The following BANF2 variants were observed in gnomAD, a reference collection of about 807,000 sequenced individuals.
BANF2 encodes BANF family member 2, also known as barrier-to-autointegration factor-like protein.
A neutral mutation model predicts 8.0 loss-of-function variants in BANF2; 4 were observed. The observed-to-expected ratio is 0.50, with a 90% CI of 0.25 to 1.14. The LOEUF (loss-of-function observed/expected upper bound fraction) is 1.14, where lower values mean the gene tolerates loss of function less well. Ranked by LOEUF, BANF2 falls within the 50% of genes most tolerant of loss-of-function variation. The pLI is 0.16. For synonymous variants in BANF2, 50 were observed against 40.6 expected, an observed-to-expected ratio of 1.23 and a Z score of -0.88; for missense variants, 96 against 107.5, an observed-to-expected ratio of 0.89 and a Z score of 0.47.
chr20:17,709,115 C>G (rs1338803903), intron 1 of BANF2, among the ~76,000 whole-genome samples: 1 of 152,186 alleles, frequency 6.6e-6, no homozygotes, highest in East Asian at 1.9e-4. Context: ...AACTCTTGCT[C>G]AGGCCCCTTT....
chr20:17,721,751 A>G (rs1377963252), intron 1 of BANF2, among the ~76,000 whole-genome samples: 7 of 152,194 alleles, frequency 4.6e-5, no homozygotes, highest in Admixed American at 2.0e-4. Flanking sequence ...CTGTTCACAC[A>G]GAGTCATTGA....
intron 3 of BANF2, 133 bp from the exon 4 acceptor site, chr20:17,735,532 G>A: frequency 9.5e-7 from 1 of 1,057,850 alleles, no homozygotes; most frequent in Non-Finnish European, 1.4e-6. Flanking sequence ...AGGACTGACA[G>A]GCTCCCTTGA....
Position 17,708,260 on chromosome 20 carries a change from T to A in BANF2, c.-167+8205T>A, listed in dbSNP as rs181410148. On this transcript the variant is annotated intron_variant, in intron 1 of 3. Coordinates refer to ENST00000246090, the MANE Select transcript of BANF2 (RefSeq NM_178477.5). ...AAAACAAACAGAAAAAAACCTGAGA[T>A]CCCTGATCCACAAAAGCCTGAAATA... Among the ~76,000 whole-genome samples, 8 of 151,898 alleles carry A rather than the reference T, an allele frequency of 5.3e-5. No individual in the cohort carries two copies. The East Asian group carries it at 1.4e-3, about 26-fold the overall frequency.
chr20:17,710,866 C>A (rs1568810242), intron 1 of BANF2, among the ~76,000 whole-genome samples: 1 of 151,274 alleles, frequency 6.6e-6, no homozygotes, highest in Non-Finnish European at 1.5e-5. Flanking sequence ...GCAGTTCCCG[C>A]AGCAACCCAG....
intron 1 of BANF2, among the ~76,000 whole-genome samples, chr20:17,715,401 A>C (rs1467886644): frequency 6.6e-6 from 1 of 152,224 alleles, no homozygotes; most frequent in Non-Finnish European, 1.5e-5. Flanking sequence ...TGAATGTCTG[A>C]GGAACTGTTG....
chr20:17,717,032 C>A (rs2037664969), intron 1 of BANF2, among the ~76,000 whole-genome samples: 1 of 152,120 alleles, frequency 6.6e-6, no homozygotes, highest in Admixed American at 6.6e-5. Flanking sequence ...CCCTCATTTT[C>A]ATTCTTTCTC....
At chr20:17,697,396 T>G (rs2037355507), upstream of BANF2, among the ~76,000 whole-genome samples, 1 of 152,116 alleles carries the variant, frequency 6.6e-6, no homozygotes, top group Non-Finnish European at 1.5e-5. Flanking sequence ...AGCTCATGTG[T>G]TTCCTCAAGA....
chr20:17,727,198 C>T (rs946451507), intron 3 of BANF2, among the ~76,000 whole-genome samples: 3 of 152,188 alleles, frequency 2.0e-5, no homozygotes, highest in East Asian at 1.9e-4. Flanking sequence ...TGTGTGCAGC[C>T]GGGTCCCTGG....
chr20:17,702,906 C>G (rs1363846551), intron 1 of BANF2, among the ~76,000 whole-genome samples: 1 of 152,144 alleles, frequency 6.6e-6, no homozygotes, highest in African/African-American at 2.4e-5. Flanking sequence ...TGAGGAGCTG[C>G]GCTTGTTGTT....
intron 1 of BANF2, among the ~76,000 whole-genome samples, chr20:17,704,976 T>G (rs1180813641): frequency 6.6e-6 from 1 of 152,222 alleles, no homozygotes; most frequent in Non-Finnish European, 1.5e-5. Flanking sequence ...CAGGATTCTG[T>G]CTGGCTGGCC....
At chr20:17,697,787 G>A (rs1252747668), upstream of BANF2, among the ~76,000 whole-genome samples, 1 of 152,184 alleles carries the variant, frequency 6.6e-6, no homozygotes, top group Non-Finnish European at 1.5e-5. Flanking sequence ...ACGTTGAAAA[G>A]TGATTGCAAT....
intron 3 of BANF2, chr20:17,731,644 T>C (rs886231598): frequency 1.3e-5 from 2 of 150,126 alleles, no homozygotes; most frequent in Non-Finnish European, 3.0e-5. Context: ...TAGTTCCAGC[T>C]ACTCGGGAGG....
intron 2 of BANF2, among the ~76,000 whole-genome samples, chr20:17,724,209 G>A (rs557516320): frequency 2.9e-4 from 44 of 152,320 alleles, no homozygotes; most frequent in South Asian, 6.2e-4. Context: ...AGTGGAGAGG[G>A]ATGAAAATAG....
At chr20:17,716,435 GC>G (rs2037653484) in intron 1 of BANF2, among the ~76,000 whole-genome samples, 1 of 152,102 alleles carries the variant, frequency 6.6e-6, no homozygotes, top group Non-Finnish European at 1.5e-5. Flanking sequence ...CCAGGCCCAA[GC>G]AATTCTCCCA....
intron 1 of BANF2, among the ~76,000 whole-genome samples, chr20:17,708,690 T>C (rs908773090): frequency 6.6e-6 from 1 of 152,222 alleles, no homozygotes. Context: ...GGCTTTTTCA[T>C]TTGCAACCCG....
chr20:17,712,638 C>T (rs2122596286), intron 1 of BANF2: 1 of 736,228 alleles, frequency 1.4e-6, no homozygotes, highest in Non-Finnish European at 1.7e-6. Context: ...GAGCCTTCTT[C>T]CTCTTTCTAG....
chr20:17,721,800 T>C (rs541029035), intron 1 of BANF2, among the ~76,000 whole-genome samples: 2 of 152,216 alleles, frequency 1.3e-5, no homozygotes, highest in Non-Finnish European at 2.9e-5. Flanking sequence ...AAGGATTTCT[T>C]GTTATATGAG....
chr20:17,710,445 C>T (rs35792437), intron 1 of BANF2, among the ~76,000 whole-genome samples: 16,251 of 152,244 alleles, frequency 0.11, 1,041 homozygotes, highest in East Asian at 0.16. Context: ...TTGCAGAATT[C>T]GTTTTGAGGA....
chr20:17,719,676 CT>C (rs1384616658), intron 1 of BANF2, among the ~76,000 whole-genome samples: 2 of 138,126 alleles, frequency 1.4e-5, no homozygotes, highest in African/African-American at 2.8e-5. Flanking sequence ...GTAAAGATCC[CT>C]TTTTTTAATT....
Sources: gnomAD v4.1 joint callset for allele counts (sites outside exome capture counted in the v4.1 genomes callset) on GRCh38, gnomAD v4.1.1 for gene constraint, MANE v1.5 for transcripts, NCBI Gene and HGNC (gene_info 2026-07-23, HGNC 2026-07-21) for gene names.